MYLK3: variants seen among roughly 807,000 people sequenced by gnomAD.
MYLK3 encodes myosin light chain kinase 3.
A neutral mutation model predicts 76.3 loss-of-function variants in MYLK3; 55 were observed. That is an observed-to-expected ratio of 0.72 (90% confidence interval 0.58 to 0.90). The LOEUF is 0.90. Among genes scored for constraint, MYLK3 ranks in the 40% least tolerant of loss-of-function variants. The pLI is 0.00. For synonymous variants in MYLK3, 416 were observed against 425.4 expected, an observed-to-expected ratio of 0.98 and a Z score of 0.27; for missense variants, 973 against 1,053.6, an observed-to-expected ratio of 0.92 and a Z score of 1.06.
At chr16:46,708,601 C>T (rs1966651114) in intron 12 of MYLK3, among the ~76,000 whole-genome samples, 1 of 152,128 alleles carries the variant, frequency 6.6e-6, no homozygotes, top group Non-Finnish European at 1.5e-5. Context: ...ACTATAGGTG[C>T]AGGCCACCAC....
chr16:46,731,647 A>T (rs1044752858), intron 4 of MYLK3, among the ~76,000 whole-genome samples: 3 of 152,134 alleles, frequency 2.0e-5, no homozygotes, highest in Admixed American at 1.3e-4. Flanking sequence ...TCATAAGAAC[A>T]CACCCTGGGT....
Position 46,728,454 on chromosome 16 carries a change from C to T in MYLK3, c.1772+570G>A, listed in dbSNP as rs137988365. On this transcript the variant is annotated intron_variant, in intron 7 of 12. Coordinates refer to ENST00000394809, the MANE Select transcript of MYLK3 (RefSeq NM_182493.3). Reference sequence around the variant, plus strand: ...ACTAAAAATAGGCAGAGTGTGGTGGCTCACACCTGTAATCCCAGCACTTTG... The same window carrying T: ...ACTAAAAATAGGCAGAGTGTGGTGGTTCACACCTGTAATCCCAGCACTTTG... 4.8e-3 allele frequency among the ~76,000 whole-genome samples: 735 copies of T among 152,316 alleles called. 3 individuals carry two copies. The highest frequency in any genetic ancestry group is 0.017 in the African/African-American group (693 of 41,562).
chr16:46,750,694 A>G (rs1345851334), upstream of MYLK3, among the ~76,000 whole-genome samples: 1 of 151,886 alleles, frequency 6.6e-6, no homozygotes. Context: ...CTGTGTCTCA[A>G]AAATAAATAT....
chr16:46,735,986 A>G (rs933357086), intron 3 of MYLK3, among the ~76,000 whole-genome samples: 3 of 152,190 alleles, frequency 2.0e-5, no homozygotes, highest in Admixed American at 6.5e-5. Context: ...TCATGGCCTC[A>G]GGATCCTCTG....
chr16:46,734,918 G>A (rs897921826), intron 3 of MYLK3, among the ~76,000 whole-genome samples: 2 of 152,148 alleles, frequency 1.3e-5, no homozygotes, highest in Non-Finnish European at 2.9e-5. Context: ...GAGGCAGGAG[G>A]ATCACTTGAG....
Position 46,747,932 on chromosome 16 carries a change from C to A in MYLK3, c.262G>T (p.Ala88Ser). Residue 88 changes from alanine to serine, a missense_variant, in exon 1 of 13, where the codon GCT (alanine) becomes TCT (serine). Coordinates refer to ENST00000394809, the MANE Select transcript of MYLK3 (RefSeq NM_182493.3). ...ADGVPHIDTQ[A>S]GWPEVLELVR... ...AGCTCCAGGACCTCGGGCCACCCAG[C>A]CTGGGTGTCAATGTGGGGAACCCCA... 6.2e-7 allele frequency: 1 copy of A among 1,613,566 alleles called. No homozygotes were observed. Among genetic ancestry groups the A allele is most frequent in the South Asian group, 1.1e-5 (1 of 91,074 alleles).
chr16:46,726,546 C>A (rs1966840642), intron 8 of MYLK3: 1 of 147,104 alleles, frequency 6.8e-6, no homozygotes, highest in Admixed American at 6.9e-5. Flanking sequence ...GCCTGGGCAA[C>A]AGAGAGAGGC....
chr16:46,723,650 C>CTTTTTT (rs34270947), intron 8 of MYLK3, among the ~76,000 whole-genome samples: 2 of 130,526 alleles, frequency 1.5e-5, no homozygotes, highest in Admixed American at 8.2e-5. Context: ...CTAGCTGATG[C>CTTTTTT]TTTTTTTTTT....
At chr16:46,730,839 C>A in intron 4 of MYLK3, 141 bp from the exon 5 acceptor site, 1 of 692,468 alleles carries the variant, frequency 1.4e-6, no homozygotes, top group East Asian at 2.7e-5. Flanking sequence ...TTCTCCAAAC[C>A]ATCTCAGTAG....
intron 8 of MYLK3, chr16:46,726,040 T>A (rs561295931): frequency 1.8e-4 from 28 of 152,356 alleles, no homozygotes; most frequent in African/African-American, 6.5e-4. Context: ...TTCATTCTCT[T>A]ACATGTGGCT....
At position 46,747,867 on chromosome 16, in the gene MYLK3, G is replaced by A; in HGVS notation, c.327C>T (p.Ala109=). 6.2e-7 allele frequency: 1 copy of A among 1,614,136 alleles called. No individual in the cohort carries two copies. The highest frequency in any genetic ancestry group is 8.5e-7 in the Non-Finnish European group (1 of 1,180,028). ...AMQQDAAQHG[A]RLEALFRMVA... is the part of the protein sequence containing the mutation. ...CCATCCTGAAGAGGGCCTCCAGCCT[G>A]GCACCGTGCTGGGCCGCATCCTGCT... The change falls in exon 1 of 13, where the codon GCC becomes GCT. Residue 109 remains alanine (A), a synonymous_variant. Transcript: ENST00000394809.
chr16:46,735,520 T>C (rs1031958700), intron 3 of MYLK3, among the ~76,000 whole-genome samples: 1 of 152,156 alleles, frequency 6.6e-6, no homozygotes, highest in Non-Finnish European at 1.5e-5. Context: ...TTTATCCCAA[T>C]TTTTTAAAAG....
At chr16:46,749,842 C>T (rs1363988470), upstream of MYLK3, among the ~76,000 whole-genome samples, 3 of 152,244 alleles carry the variant, frequency 2.0e-5, no homozygotes, top group African/African-American at 7.2e-5. Flanking sequence ...CCACAACCTT[C>T]TCTACCTACC....
intron 7 of MYLK3, among the ~76,000 whole-genome samples, chr16:46,728,280 G>A (rs1966846264): frequency 6.6e-6 from 1 of 152,168 alleles, no homozygotes; most frequent in African/African-American, 2.4e-5. Flanking sequence ...TATACAAACA[G>A]CAACCCCTGG....
chr16:46,715,798 T>C (rs558181387), intron 9 of MYLK3, among the ~76,000 whole-genome samples: 9 of 152,318 alleles, frequency 5.9e-5, no homozygotes, highest in African/African-American at 2.2e-4. Flanking sequence ...ATGTCCCTGC[T>C]GAAAACCAAC....
chr16:46,750,837 C>T, upstream of MYLK3, among the ~76,000 whole-genome samples: 1 of 145,872 alleles, frequency 6.9e-6, no homozygotes, highest in African/African-American at 2.6e-5. Flanking sequence ...TAAAAAAACA[C>T]AAAAAATTAG....
chr16:46,753,002 G>A (rs942769787), upstream of MYLK3, among the ~76,000 whole-genome samples: 3 of 152,084 alleles, frequency 2.0e-5, no homozygotes, highest in Non-Finnish European at 2.9e-5. Flanking sequence ...ATACCCACCC[G>A]CAACGATGAA....
chr16:46,743,365 C>T (rs1442602122), intron 1 of MYLK3, among the ~76,000 whole-genome samples: 1 of 152,228 alleles, frequency 6.6e-6, no homozygotes, highest in African/African-American at 2.4e-5. Flanking sequence ...CCCCAAGAAG[C>T]CTCCATAATG....
chr16:46,737,991 G>C lies in MYLK3; in HGVS notation c.721C>G (p.Pro241Ala), dbSNP rs762479124. The change falls in exon 3 of 13, where the codon CCC becomes GCC. Residue 241 changes from proline to alanine, a missense_variant. Coordinates refer to ENST00000394809, the MANE Select transcript of MYLK3 (RefSeq NM_182493.3). ...GPAQAFPGHLPLPTKVEAKAP... is the reference protein window; with the variant it reads ...GPAQAFPGHLALPTKVEAKAP... ...TTGGCTTCCACCTTTGTGGGCAGGG[G>C]CAGGTGGCCAGGGAATGCCTGGGCT... The C allele has an allele frequency of 6.2e-7, 1 of 1,613,894 alleles. No homozygotes were observed. Among genetic ancestry groups the C allele is most frequent in the South Asian group, 1.1e-5 (1 of 91,084 alleles).
Sources: allele counts gnomAD v4.1 joint callset (sites outside exome capture counted in the v4.1 genomes callset), GRCh38; gene constraint gnomAD v4.1.1; transcripts MANE v1.5; gene names NCBI Gene and HGNC (gene_info 2026-07-23, HGNC 2026-07-21).